Variants in CTC1 observed in about 807,000 individuals in gnomAD.
CTC1 encodes CST complex subunit CTC1.
A neutral mutation model predicts 136.3 loss-of-function variants in CTC1; 91 were observed. That is an observed-to-expected ratio of 0.67 (90% confidence interval 0.56 to 0.79). The LOEUF (loss-of-function observed/expected upper bound fraction) is 0.79, where lower values mean the gene tolerates loss of function less well. Among genes scored for constraint, CTC1 ranks in the 30% least tolerant of loss-of-function variants. The pLI is 0.00. For missense variants in CTC1, 1,432 were observed against 1,498.1 expected (o/e 0.96, Z 0.73); for synonymous variants, 606 against 613.8 (o/e 0.99, Z 0.19).
intron 2 of CTC1, among the ~76,000 whole-genome samples, chr17:8,239,597 A>G (rs1400622313): frequency 2.6e-5 from 4 of 151,074 alleles, no homozygotes; most frequent in Non-Finnish European, 5.9e-5. Context: ...TGAAATCTGG[A>G]ACCCTCTCCA....
chr17:8,230,067 C>G (rs972666575), intron 17 of CTC1, 99 bp from the exon 18 acceptor site: 9 of 1,179,892 alleles, frequency 7.6e-6, no homozygotes, highest in East Asian at 7.1e-5. Flanking sequence ...GGCCACTCCC[C>G]CTGAGGGACA....
rs1429882956 is a variant in CTC1 at position 8,227,407 on chromosome 17, G to C, written c.*773C>G. On this transcript the variant is annotated 3_prime_UTR_variant, in exon 23 of 23. Coordinates refer to ENST00000651323, the MANE Select transcript of CTC1 (RefSeq NM_025099.6). ...CGATCAAGGATCTGCCTTAGGCCAG[G>C]CCCTTGGGAAACCTACAGGGCTAAC... 6.6e-6 allele frequency: 1 copy of C among 152,148 alleles called. No homozygotes were observed. Among genetic ancestry groups the C allele is most frequent in the Non-Finnish European group, 1.5e-5 (1 of 68,044 alleles). 9.4% of individuals were successfully genotyped at this position (152,148 alleles called of 1,614,324 possible).
At chr17:8,247,007 T>TATTC (rs1393955801) in intron 1 of CTC1, among the ~76,000 whole-genome samples, 6 of 124,304 alleles carry the variant, frequency 4.8e-5, no homozygotes, top group Admixed American at 1.6e-4. Context: ...TTTATTTATT[T>TATTC]ATTTGAGATG....
intron 2 of CTC1, among the ~76,000 whole-genome samples, chr17:8,242,156 G>A (rs1988281258): frequency 6.6e-6 from 1 of 151,898 alleles, no homozygotes; most frequent in Non-Finnish European, 1.5e-5. Context: ...CAGCCTCTGA[G>A]TAGCTGGGGA....
intron 4 of CTC1, 26 bp downstream of exon 4, chr17:8,238,005 C>T: frequency 6.3e-7 from 1 of 1,591,870 alleles, no homozygotes; most frequent in Non-Finnish European, 8.6e-7. Flanking sequence ...TACAGCGCCC[C>T]TGCCATGCCT....
intron 10 of CTC1, among the ~76,000 whole-genome samples, chr17:8,233,957 G>C (rs1325504979): frequency 6.6e-6 from 1 of 152,120 alleles, no homozygotes; most frequent in African/African-American, 2.4e-5. Context: ...ATTTAAACAA[G>C]AGAGTTCTGT....
At position 8,235,218 on chromosome 17, in the gene CTC1, A is replaced by G. The variant is rs371812914; in HGVS notation, c.1274T>C (p.Leu425Pro). The G allele has an allele frequency of 1.1e-5, 18 of 1,614,034 alleles. No homozygotes were observed. The African/African-American group carries it at 2.3e-4, about 20-fold the overall frequency. ...GCTTTGAAGCAGAACGGCGCCACGGAGGCAGGGGGCGAGCACTGGCCTTCT... is the reference window on the plus strand; with the variant it reads ...GCTTTGAAGCAGAACGGCGCCACGGGGGCAGGGGGCGAGCACTGGCCTTCT... ...GTRRPVLAPC[L>P]RGAVLLQSFS... The change falls in exon 8 of 23, where the codon CTC becomes CCC. Residue 425 changes from leucine to proline, a missense_variant. By Grantham distance (98) the Leu-to-Pro change is moderately conservative. Transcript: ENST00000651323.
intron 14 of CTC1, 105 bp from the exon 15 acceptor site, chr17:8,231,574 G>T (rs1460761616): frequency 2.4e-6 from 3 of 1,267,702 alleles, no homozygotes; most frequent in Non-Finnish European, 3.3e-6. Context: ...CATGGAGAAG[G>T]AAGTGTGTCA....
intron 18 of CTC1, 24 bp downstream of exon 18, chr17:8,229,867 A>AGG: frequency 1.9e-6 from 3 of 1,601,998 alleles, no homozygotes; most frequent in Non-Finnish European, 2.6e-6. Context: ...CAGGAAGTTT[A>AGG]GGGGTTGGGG....
In CTC1 at chr17:8,236,127, C is replaced by A; in HGVS notation, c.1008G>T (p.Met336Ile). Residue 336 changes from methionine (M) to isoleucine (I), a missense_variant, in exon 6 of 23, where the codon ATG becomes ATT. Met to Ile is a conservative substitution (Grantham distance 10, BLOSUM62 1). Transcript: ENST00000651323. ...CCTTCTTGTCCTCCGAGTTGCTGGG[C>A]ATGGGGAGTGGCTTGGGGTCAGCCT... is the stretch of plus-strand genomic sequence containing the variant. ...LLEADPKPLP[M>I]PSNSEDKKDP... is the part of the protein sequence containing the mutation. The A allele has an allele frequency of 6.2e-7, 1 of 1,614,236 alleles. No individual in the cohort carries two copies. Among genetic ancestry groups the A allele is most frequent in the Non-Finnish European group, 8.5e-7 (1 of 1,180,042 alleles).
chr17:8,237,292 G>A, intron 5 of CTC1, 83 bp downstream of exon 5: 1 of 1,490,590 alleles, frequency 6.7e-7, no homozygotes, highest in Non-Finnish European at 9.3e-7. Context: ...TTCCTACATG[G>A]CTCCTCCTAT....
chr17:8,232,753 T>A (rs1167639656), intron 11 of CTC1, 153 bp downstream of exon 11: 22 of 1,033,088 alleles, frequency 2.1e-5, no homozygotes, highest in Non-Finnish European at 3.0e-5. Context: ...GCTCCTGTTC[T>A]CTGCCTGCCA....
At position 8,235,686 on chromosome 17, in the gene CTC1, C is replaced by T. The variant is rs186801192; in HGVS notation, c.1206+145G>A. ...ACTCCTTTTTATTTAAGCTTCTGTC[C>T]AAGTTATCCTTAGCAAAAGTGCCCC... On this transcript the variant is annotated intron_variant, in intron 7 of 22. Coordinates refer to ENST00000651323, the MANE Select transcript of CTC1 (RefSeq NM_025099.6). 2,345 of 851,970 alleles carry T rather than the reference C, an allele frequency of 2.8e-3. 6 individuals carry two copies. Among genetic ancestry groups the T allele is most frequent in the Non-Finnish European group, 3.4e-3 (1,904 of 566,754 alleles). 52.8% of individuals were successfully genotyped at this position (851,970 alleles called of 1,614,324 possible).
rs1567603389 is a variant in CTC1, at chr17:8,231,941, G to A, written c.2347C>T (p.Leu783=). 6.2e-7 allele frequency: 1 copy of A among 1,612,820 alleles called. No individual in the cohort carries two copies. Among genetic ancestry groups the A allele is most frequent in the South Asian group, 1.1e-5 (1 of 90,960 alleles). ...TCGTCATTTCCCTGGGGCTCGGGCA[G>A]CCCCCATCCAGTACCCTCCTTCCTC... is the stretch of plus-strand genomic sequence containing the variant. The part of the protein sequence containing the change: ...TQRKEGTGWG[L]PEPQGNDDND... Residue 783 remains leucine (L), a synonymous_variant, in exon 13 of 23, where the codon CTG becomes TTG. Coordinates refer to ENST00000651323, the MANE Select transcript of CTC1 (RefSeq NM_025099.6).
chr17:8,236,261 G>A lies in CTC1; in HGVS notation c.874C>T (p.Arg292Cys), dbSNP rs1013688033. ...VLTELRVSKI[R>C]GQRQHVWMTS... is the part of the protein sequence containing the mutation. ...ATCCAAACATGCTGGCGCTGACCAC[G>A]GATCTTGGACACTCGCAGTTCTGTC... Residue 292 changes from arginine (R) to cysteine (C), a missense_variant, in exon 6 of 23, where the codon CGT (arginine) becomes TGT (cysteine). Transcript: ENST00000651323. 5.6e-6 allele frequency: 9 copies of A among 1,613,920 alleles called. No homozygotes were observed. Among genetic ancestry groups the A allele is most frequent in the East Asian group, 4.5e-5 (2 of 44,894 alleles).
chr17:8,228,949 T>C, intron 20 of CTC1, 57 bp from the exon 21 acceptor site: 1 of 1,559,426 alleles, frequency 6.4e-7, no homozygotes, highest in South Asian at 1.2e-5. Flanking sequence ...GCCAACACCC[T>C]GGACCCAACA....
At chr17:8,229,085 T>C in intron 20 of CTC1, 57 bp downstream of exon 20, 1 of 1,568,136 alleles carries the variant, frequency 6.4e-7, no homozygotes, top group Non-Finnish European at 8.7e-7. Context: ...AAACTGCAGA[T>C]AGACAAAGTG....
chr17:8,232,326 C>T (rs372221537), intron 12 of CTC1, 35 bp downstream of exon 12: 81 of 1,600,194 alleles, frequency 5.1e-5, no homozygotes, highest in Non-Finnish European at 6.7e-5. Flanking sequence ...TCCTTCCCCC[C>T]AGACTCAAGA....
rs1384475473 is a variant in CTC1, at chr17:8,228,795, G to C, written c.3319C>G (p.Leu1107Val). Residue 1107 changes from leucine (L) to valine (V), a missense_variant, in exon 21 of 23, where the codon CTC becomes GTC. Transcript: ENST00000651323. ...LGLCPREWAS[L>V]LDFVQVPGRV... ...CCTGGCACTTGGACGAAATCTAGGAGGGAGGCCCACTCTCTAGGACACAGC... is the reference window on the plus strand; with the variant it reads ...CCTGGCACTTGGACGAAATCTAGGACGGAGGCCCACTCTCTAGGACACAGC... The C allele has an allele frequency of 6.2e-7, 1 of 1,614,012 alleles. No individual in the cohort carries two copies. Among genetic ancestry groups the C allele is most frequent in the South Asian group, 1.1e-5 (1 of 91,080 alleles).
Sources: gnomAD v4.1 joint callset for allele counts (sites outside exome capture counted in the v4.1 genomes callset) on GRCh38, gnomAD v4.1.1 for gene constraint, MANE v1.5 for transcripts, NCBI Gene and HGNC (gene_info 2026-07-23, HGNC 2026-07-21) for gene names.